Variants in DIXDC1 observed in about 807,000 individuals in gnomAD.
The protein encoded by DIXDC1 is DIX domain containing 1.
A neutral mutation model predicts 103.1 loss-of-function variants in DIXDC1; 64 were observed. The observed-to-expected ratio is 0.62, with a 90% confidence interval of 0.51 to 0.76. The LOEUF (loss-of-function observed/expected upper bound fraction) is 0.76. Among genes scored for constraint, DIXDC1 ranks in the 30% least tolerant of loss-of-function variants. The pLI, the probability that DIXDC1 is intolerant of heterozygous loss-of-function variation, is 0.00. For synonymous variants in DIXDC1, 266 were observed against 298.5 expected, an observed-to-expected ratio of 0.89 and a Z score of 1.12; for missense variants, 759 against 834.2, an observed-to-expected ratio of 0.91 and a Z score of 1.11.
At position 111,964,682 on chromosome 11, in the gene DIXDC1, A is replaced by G; in HGVS notation, c.190+4A>G. ...GCATATCTCATCGAGATTGTTGGTC[A>G]GTTGGCCCTGGACTCTGATACTAGA... On this transcript the variant is annotated splice_donor_region_variant and intron_variant, in intron 2 of 19. Transcript: ENST00000440460. 3.1e-6 allele frequency: 5 copies of G among 1,600,978 alleles called. No homozygotes were observed. Among genetic ancestry groups the G allele is most frequent in the Non-Finnish European group, 4.3e-6 (5 of 1,174,174 alleles).
chr11:111,957,211 G>T (rs1555170662), intron 1 of DIXDC1, among the ~76,000 whole-genome samples: 1 of 152,000 alleles, frequency 6.6e-6, no homozygotes, highest in Non-Finnish European at 1.5e-5. Context: ...GGAGGAGAGA[G>T]CTCTTCCTCA....
intron 17 of DIXDC1, among the ~76,000 whole-genome samples, chr11:111,996,579 G>C (rs1045379865): frequency 2.0e-5 from 3 of 152,150 alleles, no homozygotes; most frequent in Non-Finnish European, 4.4e-5. Context: ...GGCCGGGCGC[G>C]GTGGCTCACG....
At chr11:111,965,207 C>T (rs1056799639) in intron 2 of DIXDC1, among the ~76,000 whole-genome samples, 1 of 152,064 alleles carries the variant, frequency 6.6e-6, no homozygotes, top group Admixed American at 6.6e-5. Flanking sequence ...CCTCTTGAAC[C>T]CTGGGGTTGT....
Position 111,928,719 on chromosome 11 carries a change from G to C in DIXDC1, c.-36-1099G>C, listed in dbSNP as rs587663401. ...CGAGGCTGCGGTGAGCTGAGATTGCGCCACTGCACTCCAGCCTGGGCAGCA... is the reference window on the plus strand; with the variant it reads ...CGAGGCTGCGGTGAGCTGAGATTGCCCCACTGCACTCCAGCCTGGGCAGCA... On this transcript the variant is annotated intron_variant, in intron 1 of 5. Coordinates refer to the DIXDC1 transcript ENST00000529225. Among the ~76,000 whole-genome samples the C allele has an allele frequency of 6.9e-4, 104 of 151,822 alleles. 1 individual carries two copies. The highest frequency in any genetic ancestry group is 1.0e-3 in the Non-Finnish European group (70 of 67,938).
chr11:111,954,954 A>G (rs991544398), intron 1 of DIXDC1, among the ~76,000 whole-genome samples: 2 of 152,126 alleles, frequency 1.3e-5, no homozygotes, highest in Admixed American at 1.3e-4. Flanking sequence ...CATTCCATAC[A>G]TTCATATATA....
rs1860757216 is a variant in DIXDC1 at position 111,993,021 on chromosome 11, G to A, written c.1272+17G>A. 1 of 1,589,418 alleles carries A rather than the reference G, an allele frequency of 6.3e-7. No homozygotes were observed. Among genetic ancestry groups the A allele is most frequent in the Non-Finnish European group, 8.6e-7 (1 of 1,167,354 alleles). ...GAATATAAAGTAAGAATGAATATCA[G>A]TTTGGAAATGACTTCCACTGACTTT... is the stretch of plus-strand genomic sequence containing the variant. On this transcript the variant is annotated intron_variant, in intron 12 of 19. Transcript: ENST00000440460.
intron 6 of DIXDC1, among the ~76,000 whole-genome samples, chr11:111,981,277 G>T (rs1033199778): frequency 6.6e-6 from 1 of 152,208 alleles, no homozygotes; most frequent in Admixed American, 6.5e-5. Flanking sequence ...TCTATATCAG[G>T]CTTGGTATGA....
At position 112,020,424 on chromosome 11, in the gene DIXDC1, A is replaced by G. The variant is rs1861721599; in HGVS notation, c.*1388A>G. 6.6e-6 allele frequency: 1 copy of G among 152,634 alleles called. No homozygotes were observed. Among genetic ancestry groups the G allele is most frequent in the Admixed American group, 6.5e-5 (1 of 15,274 alleles). 9.5% of individuals were successfully genotyped at this position (152,634 alleles called of 1,614,324 possible). ...ACAAACTACTCTTTGGAGCTCTGAG[A>G]TGACATCTTGTTGTTTTATATAGAT... On this transcript the variant is annotated 3_prime_UTR_variant, in exon 20 of 20. Transcript: ENST00000440460.
rs1555172106 is a variant in DIXDC1, at chr11:111,971,929, G to T, written c.317-2094G>T. Among the ~76,000 whole-genome samples, 6 of 152,176 alleles carry T rather than the reference G, an allele frequency of 3.9e-5. No individual in the cohort carries two copies. In the South Asian group the frequency reaches 1.2e-3, roughly 32 times the overall value. On this transcript the variant is annotated intron_variant, in intron 3 of 19. Coordinates refer to ENST00000440460, the MANE Select transcript of DIXDC1 (RefSeq NM_001037954.4). ...GGGAACTAAACACTGGGTGCACATT[G>T]GGACATAAAGATGGGAACAATAGAA...
chr11:111,977,481 G>C lies in DIXDC1; in HGVS notation c.656+2498G>C, dbSNP rs1188336237. The C allele has an allele frequency of 7.6e-7, 1 of 1,317,270 alleles. No individual in the cohort carries two copies. The highest frequency in any genetic ancestry group is 1.6e-5 in the African/African-American group (1 of 63,656). The allele number at this position is 1,317,270 out of a possible 1,614,324, so 81.6% of individuals were successfully genotyped here. On this transcript the variant is annotated intron_variant, in intron 5 of 19. Transcript: ENST00000440460. The surrounding 1 kb of genome is among the most constrained non-coding windows in gnomAD (Gnocchi z 6.1). Reference sequence around the variant, plus strand: ...CAGCGGCCAGGGGCCGGCAGCCTGCGAGGGGAGGCAGCTTCCGCCGGGGCC... The same window carrying C: ...CAGCGGCCAGGGGCCGGCAGCCTGCCAGGGGAGGCAGCTTCCGCCGGGGCC...
At chr11:111,949,815 T>C (rs587767708) in intron 1 of DIXDC1, among the ~76,000 whole-genome samples, 9 of 152,336 alleles carry the variant, frequency 5.9e-5, no homozygotes, top group African/African-American at 4.8e-5. Context: ...CTCTCTGCAA[T>C]TGGCAGACAT....
At chr11:112,009,177 A>G (rs1441771863) in intron 17 of DIXDC1, among the ~76,000 whole-genome samples, 3 of 152,172 alleles carry the variant, frequency 2.0e-5, no homozygotes, top group Non-Finnish European at 4.4e-5. Flanking sequence ...TACTATAAAC[A>G]CCTCTACGCA....
At chr11:112,006,992 C>T (rs782130479) in intron 17 of DIXDC1, among the ~76,000 whole-genome samples, 9 of 152,022 alleles carry the variant, frequency 5.9e-5, no homozygotes, top group East Asian at 1.9e-4. Flanking sequence ...TTCAGAAGGT[C>T]GGTAATAAAC....
chr11:111,960,763 T>C lies in DIXDC1; in HGVS notation c.61-3786T>C, dbSNP rs1197498374. On this transcript the variant is annotated intron_variant, in intron 1 of 19. Coordinates refer to ENST00000440460, the MANE Select transcript of DIXDC1 (RefSeq NM_001037954.4). ...AATTCTGACTGCTCTATGGTGGGCC[T>C]AGACATTAGTATTTTTTGAAAAGCT... Among the ~76,000 whole-genome samples the C allele has an allele frequency of 2.6e-5, 4 of 152,166 alleles. No individual in the cohort carries two copies. In the East Asian group the frequency reaches 7.7e-4, roughly 29 times the overall value.
intron 17 of DIXDC1, among the ~76,000 whole-genome samples, chr11:112,004,225 TTGGCTG>T (rs1861165530): frequency 6.6e-6 from 1 of 151,934 alleles, no homozygotes; most frequent in East Asian, 1.9e-4. Flanking sequence ...TAAAAAAAGG[TTGGCTG>T]TGGGGATAGA....
chr11:111,954,821 G>A (rs1555170413), intron 1 of DIXDC1, among the ~76,000 whole-genome samples: 1 of 152,094 alleles, frequency 6.6e-6, no homozygotes, highest in African/African-American at 2.4e-5. Context: ...ATAAGGAAAA[G>A]TGAAAGGAAA....
Position 111,968,574 on chromosome 11 carries a change from T to C in DIXDC1, c.252T>C (p.Asn84=). The C allele has an allele frequency of 1.2e-6, 2 of 1,612,774 alleles. No homozygotes were observed. Among genetic ancestry groups the C allele is most frequent in the Admixed American group, 1.7e-5 (1 of 59,860 alleles). Residue 84 remains asparagine (N), a synonymous_variant, in exon 3 of 20, where the codon AAT becomes AAC. Transcript: ENST00000440460. ...SPGNQQEMKN[N]VEKVLQFVAS... ...GTAACCAACAGGAGATGAAGAATAATGTGGAGAAAGTGCTACAGTTTGTGG... is the reference window on the plus strand; with the variant it reads ...GTAACCAACAGGAGATGAAGAATAACGTGGAGAAAGTGCTACAGTTTGTGG...
chr11:111,991,959 T>C (rs1391688443), intron 10 of DIXDC1, among the ~76,000 whole-genome samples: 3 of 152,144 alleles, frequency 2.0e-5, no homozygotes, highest in Non-Finnish European at 4.4e-5. Flanking sequence ...GAAAAACAGC[T>C]AATCTAGATT....
chr11:112,016,580 C>G (rs963764938), intron 17 of DIXDC1, 111 bp from the exon 18 acceptor site: 5 of 810,586 alleles, frequency 6.2e-6, no homozygotes, highest in South Asian at 1.9e-5. Flanking sequence ...GGTGTGAGAG[C>G]TGTGGGCTGT....
Sources: allele counts gnomAD v4.1 joint callset (sites outside exome capture counted in the v4.1 genomes callset), GRCh38; gene constraint gnomAD v4.1.1; non-coding constraint Gnocchi (gnomAD v3.1); transcripts MANE v1.5; gene names NCBI Gene and HGNC (gene_info 2026-07-23, HGNC 2026-07-21).